Variants in ZBTB20 observed in about 807,000 individuals in gnomAD.
ZBTB20 encodes the protein zinc finger and BTB domain containing 20, also known as zinc finger and BTB domain-containing protein 20.
A neutral mutation model predicts 56.9 loss-of-function variants in ZBTB20; 9 were observed. That is an observed-to-expected ratio of 0.16 (90% CI 0.10 to 0.28). The LOEUF is 0.28. Among genes scored for constraint, ZBTB20 ranks in the 10% least tolerant of loss-of-function variants. ZBTB20 has a pLI of 1.00. For missense variants in ZBTB20, 655 were observed against 1,003.0 expected, an observed-to-expected ratio of 0.65 and a Z score of 4.69; for synonymous variants, 417 against 420.7, an observed-to-expected ratio of 0.99 and a Z score of 0.11.
chr3:115,049,032 C>T (rs2081443261), intron 2 of ZBTB20, among the ~76,000 whole-genome samples: 1 of 151,766 alleles, frequency 6.6e-6, no homozygotes, highest in African/African-American at 2.4e-5. Flanking sequence ...TTTTTTAATG[C>T]TAAACTTTTT....
chr3:114,687,731 A>G (rs2062432118), intron 6 of ZBTB20: 1 of 152,188 alleles, frequency 6.6e-6, no homozygotes, highest in African/African-American at 2.4e-5. Context: ...AATAATTTTA[A>G]AGATCCACTT....
intron 3 of ZBTB20, among the ~76,000 whole-genome samples, chr3:114,938,670 C>G (rs776112681): frequency 4.1e-5 from 6 of 144,858 alleles, no homozygotes; most frequent in Non-Finnish European, 5.9e-5. Flanking sequence ...TGGGGCCTGT[C>G]GGGTGGTGGG....
intron 3 of ZBTB20, among the ~76,000 whole-genome samples, chr3:114,918,004 C>T (rs2075814760): frequency 6.6e-6 from 1 of 152,262 alleles, no homozygotes; most frequent in African/African-American, 2.4e-5. Flanking sequence ...TCCAGAGAGG[C>T]CCTCTAAGAT....
chr3:114,545,376 G>T (rs913825410), intron 6 of ZBTB20, among the ~76,000 whole-genome samples: 1 of 152,064 alleles, frequency 6.6e-6, no homozygotes, highest in African/African-American at 2.4e-5. Context: ...GTTGCAAAAT[G>T]CTTTCACATG....
At chr3:114,969,184 A>G (rs998929732) in intron 3 of ZBTB20, among the ~76,000 whole-genome samples, 1 of 152,230 alleles carries the variant, frequency 6.6e-6, no homozygotes, top group Admixed American at 6.5e-5. Flanking sequence ...AACATCTACA[A>G]AGTTTCTGGC....
At chr3:114,368,287 A>G (rs1187766908) in intron 10 of ZBTB20, among the ~76,000 whole-genome samples, 1 of 152,250 alleles carries the variant, frequency 6.6e-6, no homozygotes, top group Non-Finnish European at 1.5e-5. Flanking sequence ...GCAAATAAGT[A>G]GACCATGGGG....
intron 4 of ZBTB20, among the ~76,000 whole-genome samples, chr3:114,837,981 A>G (rs1251669906): frequency 6.6e-6 from 1 of 152,228 alleles, no homozygotes; most frequent in Non-Finnish European, 1.5e-5. Flanking sequence ...AGTAGTGAAT[A>G]AAATCTCACT....
At chr3:114,591,470 A>G (rs964360233) in intron 6 of ZBTB20, among the ~76,000 whole-genome samples, 5 of 152,228 alleles carry the variant, frequency 3.3e-5, no homozygotes, top group African/African-American at 1.2e-4. Flanking sequence ...TATAAGACTT[A>G]TAAGATTCAA....
Position 114,517,906 on chromosome 3 carries a change from T to TGCC in ZBTB20, c.-294-17516_-294-17515insGGC, listed in dbSNP as rs556291868. Among the ~76,000 whole-genome samples, 129 of 152,228 alleles carry TGCC rather than the reference T, an allele frequency of 8.5e-4. 1 individual carries two copies. The highest frequency in any genetic ancestry group is 2.8e-3 in the African/African-American group (115 of 41,536). ...ATGTATTTTTTAAGCGCTTACTGTA[T>TGCC]ACCAGGCCCTATGCTGAAGATAGTA... On this transcript the variant is annotated intron_variant, in intron 6 of 11. Coordinates refer to ENST00000675478, the MANE Select transcript of ZBTB20 (RefSeq NM_001348800.3).
Position 114,778,280 on chromosome 3 carries a change from A to ATAATAC in ZBTB20, c.-343+22820_-343+22821insGTATTA, listed in dbSNP as rs1436456989. 1.1e-4 allele frequency among the ~76,000 whole-genome samples: 5 copies of ATAATAC among 46,574 alleles called. No homozygotes were observed. The East Asian group carries it at 2.8e-3, about 26-fold the overall frequency. 30.6% of individuals were successfully genotyped at this position (46,574 alleles called of 152,430 possible). A position where few individuals can be genotyped will look rare whatever the true frequency, so the allele number is the denominator to read the frequency against. On this transcript the variant is annotated intron_variant, in intron 5 of 11. Transcript: ENST00000675478. ...AATAATAATAATAATAATAATAATA[A>ATAATAC]TACACATTCAAAAAAAAAAGATCAC...
intron 4 of ZBTB20, among the ~76,000 whole-genome samples, chr3:114,891,368 T>G (rs572381763): frequency 2.0e-5 from 3 of 152,370 alleles, no homozygotes; most frequent in African/African-American, 7.2e-5. Flanking sequence ...CCTTGTTTTA[T>G]TTTTTAAAAA....
intron 1 of ZBTB20, among the ~76,000 whole-genome samples, chr3:115,131,782 A>C (rs1286113898): frequency 1.3e-5 from 2 of 152,178 alleles, no homozygotes; most frequent in African/African-American, 4.8e-5. Flanking sequence ...GCAAAATGGG[A>C]ATATACTTTC....
intron 7 of ZBTB20, among the ~76,000 whole-genome samples, chr3:114,423,453 T>C (rs1324994268): frequency 6.6e-6 from 1 of 152,192 alleles, no homozygotes; most frequent in African/African-American, 2.4e-5. Context: ...GAATTCAAAG[T>C]TCCATACTTA....
At chr3:114,600,304 C>G (rs142109162) in intron 6 of ZBTB20, among the ~76,000 whole-genome samples, 1 of 152,120 alleles carries the variant, frequency 6.6e-6, no homozygotes, top group East Asian at 1.9e-4. Flanking sequence ...GCTGGGTCTA[C>G]AGATTTACTG....
At chr3:115,023,775 T>C (rs2080302358) in intron 2 of ZBTB20, among the ~76,000 whole-genome samples, 2 of 150,938 alleles carry the variant, frequency 1.3e-5, no homozygotes, top group Admixed American at 1.3e-4. Flanking sequence ...ACACTACTGG[T>C]GTACTCAGAG....
chr3:115,108,253 A>G (rs2083779745), intron 1 of ZBTB20, among the ~76,000 whole-genome samples: 1 of 152,230 alleles, frequency 6.6e-6, no homozygotes, highest in Admixed American at 6.5e-5. Flanking sequence ...ATTTCTTTCA[A>G]ATCTATAACA....
intron 5 of ZBTB20, among the ~76,000 whole-genome samples, chr3:114,726,578 T>C (rs2065297365): frequency 6.6e-6 from 1 of 152,156 alleles, no homozygotes; most frequent in Non-Finnish European, 1.5e-5. Context: ...TCCTAGGTAA[T>C]GCTAATGCTG....
At chr3:114,975,338 C>T (rs1185608228) in intron 2 of ZBTB20, among the ~76,000 whole-genome samples, 1 of 152,072 alleles carries the variant, frequency 6.6e-6, no homozygotes, top group East Asian at 1.9e-4. Flanking sequence ...GAGATTTAGG[C>T]ATTCAAAGTT....
intron 6 of ZBTB20, among the ~76,000 whole-genome samples, chr3:114,634,321 G>T (rs9820958): frequency 6.6e-6 from 1 of 152,000 alleles, no homozygotes; most frequent in African/African-American, 2.4e-5. Flanking sequence ...CAAATAATCC[G>T]ATGTATCCTA....
Sources: allele counts gnomAD v4.1 joint callset (sites outside exome capture counted in the v4.1 genomes callset), GRCh38; gene constraint gnomAD v4.1.1; transcripts MANE v1.5; gene names NCBI Gene and HGNC (gene_info 2026-07-23, HGNC 2026-07-21).